Variants in PPP1R1C observed in about 807,000 individuals in gnomAD.
The protein encoded by PPP1R1C is protein phosphatase 1 regulatory subunit 1C.
Under a neutral mutation model 17.4 loss-of-function variants are expected in PPP1R1C, and 15 were observed. The observed-to-expected ratio is 0.86, with a 90% confidence interval of 0.58 to 1.33. PPP1R1C has a LOEUF of 1.33. PPP1R1C is among the 40% of genes most tolerant of loss of function. The pLI is 0.00. For missense variants in PPP1R1C, 143 were observed against 130.0 expected (o/e 1.10, Z -0.48); for synonymous variants, 35 against 43.1 (o/e 0.81, Z 0.73).
chr2:182,074,922 TTAAC>T (rs1177261966), intron 4 of PPP1R1C, among the ~76,000 whole-genome samples: 2 of 152,206 alleles, frequency 1.3e-5, no homozygotes, highest in African/African-American at 4.8e-5. Flanking sequence ...TTTAAACAAA[TTAAC>T]TACCAAATTC....
At chr2:182,096,952 T>G (rs1688958614) in intron 4 of PPP1R1C, among the ~76,000 whole-genome samples, 1 of 152,188 alleles carries the variant, frequency 6.6e-6, no homozygotes, top group South Asian at 2.1e-4. Flanking sequence ...AAACTTTTAG[T>G]CAGAATCAGG....
At chr2:182,032,275 G>T (rs532035001) in intron 2 of PPP1R1C, among the ~76,000 whole-genome samples, 35 of 152,140 alleles carry the variant, frequency 2.3e-4, no homozygotes, top group African/African-American at 7.5e-4. Context: ...GTTTCTAGAC[G>T]TGGTTAACTT....
At chr2:181,996,653 G>A (rs1019503948) in intron 2 of PPP1R1C, among the ~76,000 whole-genome samples, 1 of 151,884 alleles carries the variant, frequency 6.6e-6, no homozygotes, top group Non-Finnish European at 1.5e-5. Flanking sequence ...ATAATGCTGA[G>A]GAAAAAAAGG....
chr2:182,033,716 G>A (rs1686914731), intron 2 of PPP1R1C, among the ~76,000 whole-genome samples: 2 of 151,982 alleles, frequency 1.3e-5, no homozygotes, highest in African/African-American at 2.4e-5. Context: ...ATACACATCT[G>A]ACCACACTAT....
chr2:182,063,588 C>T, intron 3 of PPP1R1C, 143 bp from the exon 4 acceptor site: 3 of 680,712 alleles, frequency 4.4e-6, no homozygotes, highest in Non-Finnish European at 5.3e-6. Flanking sequence ...TATAATTTCT[C>T]ATTAATTAGA....
intron 2 of PPP1R1C, among the ~76,000 whole-genome samples, chr2:182,056,271 C>T (rs1687682144): frequency 6.6e-6 from 1 of 152,204 alleles, no homozygotes; most frequent in Non-Finnish European, 1.5e-5. Flanking sequence ...GTTCTAGTTG[C>T]CTCAGTCGAC....
intron 2 of PPP1R1C, among the ~76,000 whole-genome samples, chr2:182,056,828 T>C (rs1687697708): frequency 6.6e-6 from 1 of 152,174 alleles, no homozygotes; most frequent in African/African-American, 2.4e-5. Flanking sequence ...ATCTTCTCAA[T>C]CTCTAGAAAC....
At position 182,060,394 on chromosome 2, in the gene PPP1R1C, G is replaced by A. The variant is rs189307110; in HGVS notation, c.143-1048G>A. 3.9e-5 allele frequency among the ~76,000 whole-genome samples: 6 copies of A among 152,026 alleles called. No individual in the cohort carries two copies. In the South Asian group the frequency reaches 6.2e-4, roughly 16 times the overall value. On this transcript the variant is annotated intron_variant, in intron 2 of 4. Coordinates refer to ENST00000682840, the MANE Select transcript of PPP1R1C (RefSeq NM_001080545.3). ...TATATATGTATATCCACATACATAT[G>A]TATACACTGCTTTTTTGTTGCAAAA...
chr2:182,054,207 GA>G (rs1253227976), intron 2 of PPP1R1C, among the ~76,000 whole-genome samples: 5 of 152,138 alleles, frequency 3.3e-5, no homozygotes, highest in Admixed American at 6.5e-5. Flanking sequence ...AAGATTCACA[GA>G]AAGTTTTAAA....
chr2:181,981,436 AT>A (rs1213868039), upstream of PPP1R1C, among the ~76,000 whole-genome samples: 6 of 152,230 alleles, frequency 3.9e-5, no homozygotes, highest in Non-Finnish European at 8.8e-5. Context: ...CATATTTAAA[AT>A]TGCATGGTTG....
At chr2:181,964,528 T>C (rs971543009) in intron 1 of PPP1R1C, among the ~76,000 whole-genome samples, 1 of 152,164 alleles carries the variant, frequency 6.6e-6, no homozygotes, top group South Asian at 2.1e-4. Flanking sequence ...TTTTTAGTTT[T>C]TTAAGGAACC....
intron 2 of PPP1R1C, among the ~76,000 whole-genome samples, chr2:182,014,366 G>A (rs1686189147): frequency 2.0e-5 from 3 of 152,164 alleles, no homozygotes; most frequent in Non-Finnish European, 2.9e-5. Flanking sequence ...AGAAGCTCTT[G>A]TTATCTTTCA....
chr2:182,065,272 A>C (rs1372192789), intron 4 of PPP1R1C, among the ~76,000 whole-genome samples: 1 of 152,128 alleles, frequency 6.6e-6, no homozygotes, highest in African/African-American at 2.4e-5. Flanking sequence ...GTTCTCATTT[A>C]TAATCAGAAA....
intron 4 of PPP1R1C, among the ~76,000 whole-genome samples, chr2:182,099,184 G>A (rs752577990): frequency 8.5e-5 from 13 of 152,168 alleles, no homozygotes; most frequent in East Asian, 1.9e-4. Context: ...GGCAACTCAT[G>A]TAATCTTCAG....
chr2:181,993,671 G>A (rs1051883480), intron 2 of PPP1R1C, among the ~76,000 whole-genome samples: 3 of 152,108 alleles, frequency 2.0e-5, no homozygotes, highest in Admixed American at 6.5e-5. Context: ...ATTTTTATGA[G>A]TTATTGAATG....
intron 1 of PPP1R1C, among the ~76,000 whole-genome samples, chr2:181,955,023 C>G (rs1187031666): frequency 6.6e-6 from 1 of 152,150 alleles, no homozygotes; most frequent in Non-Finnish European, 1.5e-5. Context: ...TGACCTCTGT[C>G]AGCTTTATAA....
At chr2:182,045,611 T>C (rs1451681736) in intron 2 of PPP1R1C, among the ~76,000 whole-genome samples, 1 of 152,092 alleles carries the variant, frequency 6.6e-6, no homozygotes, top group Non-Finnish European at 1.5e-5. Flanking sequence ...TTTCCTCTTG[T>C]TATACAGAGT....
At chr2:181,969,555 G>T (rs913222495) in intron 1 of PPP1R1C, among the ~76,000 whole-genome samples, 7 of 151,962 alleles carry the variant, frequency 4.6e-5, no homozygotes, top group African/African-American at 1.7e-4. Flanking sequence ...CTAGACCTTT[G>T]GGAGTTTGAT....
At chr2:182,085,604 G>A (rs1292128278) in intron 4 of PPP1R1C, among the ~76,000 whole-genome samples, 1 of 152,040 alleles carries the variant, frequency 6.6e-6, no homozygotes, top group Non-Finnish European at 1.5e-5. Context: ...ATCTTTTGTT[G>A]CCTCTAGCTT....
Sources: gnomAD v4.1 joint callset for allele counts (sites outside exome capture counted in the v4.1 genomes callset) on GRCh38, gnomAD v4.1.1 for gene constraint, MANE v1.5 for transcripts, NCBI Gene and HGNC (gene_info 2026-07-23, HGNC 2026-07-21) for gene names.